PPP2R3C: variants seen among roughly 807,000 people sequenced by gnomAD.
PPP2R3C encodes the protein serine/threonine-protein phosphatase 2A regulatory subunit B'' subunit gamma.
PPP2R3C carries 47 observed loss-of-function variants against 63.7 expected under a neutral mutation model. The observed-to-expected ratio is 0.74, with a 90% CI of 0.58 to 0.94. PPP2R3C has a LOEUF of 0.94. Ranked by LOEUF, PPP2R3C falls within the 40% of genes least tolerant of loss-of-function variation. The probability of loss-of-function intolerance (pLI) is 0.00; values close to 1 mark genes in which losing one functional copy is unlikely to be tolerated. For missense variants in PPP2R3C, 421 were observed against 518.4 expected, an observed-to-expected ratio of 0.81 and a Z score of 1.82; for synonymous variants, 180 against 177.4, an observed-to-expected ratio of 1.01 and a Z score of -0.12.
chr14:35,116,681 A>G lies in PPP2R3C; in HGVS notation c.115T>C (p.Tyr39His), dbSNP rs1371876429. The change falls in exon 2 of 13, where the codon TAC becomes CAC. Residue 39 changes from tyrosine (Y) to histidine (H), a missense_variant. Physicochemically the swap from Tyr to His is moderately conservative, Grantham distance 83 (BLOSUM62 2). Coordinates refer to ENST00000261475, the MANE Select transcript of PPP2R3C (RefSeq NM_017917.4). ...DEEMDLFTKY[Y>H]SEWKGGRKNT... ...TTTCTACCTCCTTTCCATTCGGAGT[A>G]ATATTTTGTAAATAAATCCATTTCT... 6.3e-7 allele frequency: 1 copy of G among 1,595,366 alleles called. No individual in the cohort carries two copies. Among genetic ancestry groups the G allele is most frequent in the East Asian group, 2.2e-5 (1 of 44,582 alleles).
chr14:35,105,469 C>T (rs1473912073), intron 6 of PPP2R3C, among the ~76,000 whole-genome samples: 1 of 151,950 alleles, frequency 6.6e-6, no homozygotes, highest in Non-Finnish European at 1.5e-5. Flanking sequence ...GCATGAGCCA[C>T]CGCGCCCAGC....
Position 35,096,703 on chromosome 14 carries a change from A to T in PPP2R3C, c.762+6T>A, listed in dbSNP as rs1467359952. ...TGATACAATTAAGTAGTTTAAAAACATTTACCTCCAATAAATCATCTAGGA... is the reference window on the plus strand; with the variant it reads ...TGATACAATTAAGTAGTTTAAAAACTTTTACCTCCAATAAATCATCTAGGA... On this transcript the variant is annotated splice_donor_region_variant and intron_variant, in intron 8 of 12. Coordinates refer to ENST00000261475, the MANE Select transcript of PPP2R3C (RefSeq NM_017917.4). The T allele has an allele frequency of 1.2e-6, 2 of 1,603,780 alleles. No homozygotes were observed. The highest frequency in any genetic ancestry group is 2.7e-5 in the African/African-American group (2 of 74,446).
Position 35,100,535 on chromosome 14 carries a change from C to G in PPP2R3C, c.574-1151G>C, listed in dbSNP as rs150566892. The G allele has an allele frequency of 2.6e-5, 4 of 152,256 alleles. No individual in the cohort carries two copies. In the East Asian group the frequency reaches 7.7e-4, roughly 29 times the overall value. The allele number at this position is 152,256 out of a possible 1,614,324, so 9.4% of individuals were successfully genotyped here. A position where few individuals can be genotyped will look rare whatever the true frequency, so the allele number is the denominator to read the frequency against. On this transcript the variant is annotated intron_variant, in intron 6 of 12. Transcript: ENST00000261475. ...CATCAGGATATTTTAAAATTTTGAG[C>G]GAAACAGCAACATTTGTCAGACACT...
At chr14:35,089,874 T>C (rs1388280318) in intron 11 of PPP2R3C, among the ~76,000 whole-genome samples, 16 of 151,626 alleles carry the variant, frequency 1.1e-4, no homozygotes, top group Non-Finnish European at 2.2e-4. Context: ...ACCATGTTAG[T>C]GAGGATGGTT....
chr14:35,114,814 G>A (rs536225884), intron 2 of PPP2R3C, among the ~76,000 whole-genome samples: 1 of 152,218 alleles, frequency 6.6e-6, no homozygotes, highest in Admixed American at 6.5e-5. Context: ...CCAACATGGT[G>A]AAACCCGGTC....
At chr14:35,118,449 T>C (rs556961305) in intron 1 of PPP2R3C, among the ~76,000 whole-genome samples, 4 of 152,302 alleles carry the variant, frequency 2.6e-5, no homozygotes, top group African/African-American at 9.6e-5. Context: ...CTGTACAACC[T>C]ATATAATTTA....
intron 6 of PPP2R3C, among the ~76,000 whole-genome samples, chr14:35,103,869 T>G (rs2046268636): frequency 6.6e-6 from 1 of 152,210 alleles, no homozygotes; most frequent in Non-Finnish European, 1.5e-5. Context: ...GCCTTTCAAA[T>G]TAGTAAGACA....
chr14:35,096,697 A>G lies in PPP2R3C; in HGVS notation c.762+12T>C. 1 of 1,605,336 alleles carries G rather than the reference A, an allele frequency of 6.2e-7. No individual in the cohort carries two copies. The highest frequency in any genetic ancestry group is 8.5e-7 in the Non-Finnish European group (1 of 1,176,540). On this transcript the variant is annotated intron_variant, in intron 8 of 12. Coordinates refer to ENST00000261475, the MANE Select transcript of PPP2R3C (RefSeq NM_017917.4). Reference sequence around the variant, plus strand: ...GTCAAGTGATACAATTAAGTAGTTTAAAAACATTTACCTCCAATAAATCAT... The same window carrying G: ...GTCAAGTGATACAATTAAGTAGTTTGAAAACATTTACCTCCAATAAATCAT...
At chr14:35,108,017 A>G (rs994832786) in intron 5 of PPP2R3C, 122 bp downstream of exon 5, 202 of 1,368,688 alleles carry the variant, frequency 1.5e-4, no homozygotes, top group Non-Finnish European at 1.8e-4. Flanking sequence ...TGGTCAAAAG[A>G]TAAGAAATTC....
At chr14:35,113,305 G>A (rs1386139015) in intron 2 of PPP2R3C, among the ~76,000 whole-genome samples, 1 of 152,096 alleles carries the variant, frequency 6.6e-6, no homozygotes, top group Non-Finnish European at 1.5e-5. Context: ...ACCATGGAGA[G>A]GAAGAAGAAA....
chr14:35,116,890 T>A (rs190160627), intron 1 of PPP2R3C, among the ~76,000 whole-genome samples, 153 bp from the exon 2 acceptor site: 3 of 152,334 alleles, frequency 2.0e-5, no homozygotes, highest in African/African-American at 7.2e-5. Flanking sequence ...ATATTAACTT[T>A]TCTGAAATAC....
intron 1 of PPP2R3C, among the ~76,000 whole-genome samples, chr14:35,121,464 G>A (rs536056510): frequency 8.3e-4 from 126 of 152,312 alleles, no homozygotes; most frequent in Non-Finnish European, 1.6e-3. Context: ...TGTGGAATAG[G>A]AAAGGTAGAT....
Position 35,110,555 on chromosome 14 carries a change from G to A in PPP2R3C, c.261C>T (p.Ser87=), listed in dbSNP as rs1416006032. Residue 87 remains serine, a synonymous_variant, in exon 3 of 13, where the codon AGC becomes AGT. Coordinates refer to ENST00000261475, the MANE Select transcript of PPP2R3C (RefSeq NM_017917.4). ...ATTCTTCATTATCTAACAGTTCTCT[G>A]CTTTTTCTTTGTAGAAAGACAGCTC... The part of the protein sequence containing the change: ...ESRAVFLQRK[S]RELLDNEELQ... The A allele has an allele frequency of 1.9e-6, 3 of 1,611,184 alleles. No homozygotes were observed. The highest frequency in any genetic ancestry group is 2.2e-5 in the South Asian group (2 of 90,830).
intron 6 of PPP2R3C, among the ~76,000 whole-genome samples, chr14:35,103,633 G>A (rs555554724): frequency 6.6e-6 from 1 of 152,092 alleles, no homozygotes; most frequent in South Asian, 2.1e-4. Context: ...ATAACATTTA[G>A]AATGAGCTAA....
intron 2 of PPP2R3C, among the ~76,000 whole-genome samples, chr14:35,113,987 C>T (rs1450324406): frequency 2.6e-5 from 4 of 152,074 alleles, no homozygotes; most frequent in African/African-American, 9.7e-5. Flanking sequence ...ATAACAGTAA[C>T]ATATTATTTA....
chr14:35,122,116 A>G, upstream of PPP2R3C: 1 of 658,518 alleles, frequency 1.5e-6, no homozygotes, highest in Non-Finnish European at 2.6e-6. Context: ...AGAGGCAAAA[A>G]CAATTACTGT....
At chr14:35,092,655 G>C (rs1215959415) in intron 10 of PPP2R3C, among the ~76,000 whole-genome samples, 1 of 151,776 alleles carries the variant, frequency 6.6e-6, no homozygotes, top group Non-Finnish European at 1.5e-5. Context: ...TAGTAGAGAA[G>C]CGGTTTCTCC....
intron 7 of PPP2R3C, among the ~76,000 whole-genome samples, chr14:35,097,740 TC>T (rs1465824544): frequency 6.6e-6 from 1 of 152,116 alleles, no homozygotes; most frequent in East Asian, 1.9e-4. Flanking sequence ...CATCTTAGCC[TC>T]CCAACGTGCT....
rs764555709 is a variant in PPP2R3C at position 35,096,605 on chromosome 14, C to T, written c.791G>A (p.Ser264Asn). The T allele has an allele frequency of 6.2e-7, 1 of 1,613,850 alleles. No homozygotes were observed. Among genetic ancestry groups the T allele is most frequent in the Non-Finnish European group, 8.5e-7 (1 of 1,179,884 alleles). The change falls in exon 9 of 13, where the codon AGT becomes AAT. Residue 264 changes from serine to asparagine, a missense_variant. Physicochemically the swap from Ser to Asn is conservative, Grantham distance 46 (BLOSUM62 1). Transcript: ENST00000261475. ...AGCAGAAAACCAATTTGTTTCTTGA[C>T]TCTCCTTGGACAGTTCCTCATCCCT... ...ELRDEELSKE[S>N]QETNWFSAPS...
Sources: allele counts gnomAD v4.1 joint callset (sites outside exome capture counted in the v4.1 genomes callset), GRCh38; gene constraint gnomAD v4.1.1; transcripts MANE v1.5; gene names NCBI Gene and HGNC (gene_info 2026-07-23, HGNC 2026-07-21).